The following PRKN variants were observed in gnomAD, a reference collection of about 807,000 sequenced individuals.
PRKN encodes E3 ubiquitin-protein ligase parkin.
A neutral mutation model predicts 59.5 loss-of-function variants in PRKN; 56 were observed. That is an observed-to-expected ratio of 0.94 (90% CI 0.76 to 1.18). PRKN has a LOEUF of 1.18. Ranked by LOEUF, PRKN falls within the 50% of genes most tolerant of loss-of-function variation. The probability of loss-of-function intolerance (pLI) is 0.00; values close to 1 mark genes in which losing one functional copy is unlikely to be tolerated. For missense variants in PRKN, 657 were observed against 596.4 expected (o/e 1.10, Z -1.06); for synonymous variants, 250 against 222.1 (o/e 1.13, Z -1.12).
At position 161,829,729 on chromosome 6, in the gene PRKN, C is replaced by T. The variant is rs138517500; in HGVS notation, c.735-43821G>A. ...GAGCAAAGAAAGCAAAGGGAAGCTG[C>T]AGCCCAGCTCCTCCACTCCCAGAGC... is the stretch of plus-strand genomic sequence containing the variant. On this transcript the variant is annotated intron_variant, in intron 6 of 11. Transcript: ENST00000366898. 8.5e-5 allele frequency among the ~76,000 whole-genome samples: 13 copies of T among 152,102 alleles called. No individual in the cohort carries two copies. The East Asian group carries it at 2.5e-3, about 30-fold the overall frequency.
intron 1 of PRKN, among the ~76,000 whole-genome samples, chr6:162,486,839 G>A (rs1259642152): frequency 6.6e-6 from 1 of 152,132 alleles, no homozygotes. Context: ...GGAGGCCGAG[G>A]TGGGTGGATC....
chr6:161,821,407 A>T (rs1201869683), intron 6 of PRKN, among the ~76,000 whole-genome samples: 1 of 151,896 alleles, frequency 6.6e-6, no homozygotes, highest in African/African-American at 2.4e-5. Context: ...CTATGGCTAT[A>T]TAAAAATGTG....
chr6:162,563,975 T>A (rs2128206848), intron 1 of PRKN, among the ~76,000 whole-genome samples: 1 of 117,766 alleles, frequency 8.5e-6, no homozygotes, highest in East Asian at 2.3e-4. Context: ...ATACAGAGTC[T>A]GAGGAGACAA....
intron 6 of PRKN, among the ~76,000 whole-genome samples, chr6:161,799,717 A>G (rs1248125798): frequency 2.0e-5 from 3 of 152,246 alleles, no homozygotes; most frequent in African/African-American, 7.2e-5. Flanking sequence ...AGCAATGAAA[A>G]GTGACAGCAA....
intron 1 of PRKN, among the ~76,000 whole-genome samples, chr6:162,617,964 T>G (rs1782501626): frequency 6.6e-6 from 1 of 152,172 alleles, no homozygotes; most frequent in Non-Finnish European, 1.5e-5. Flanking sequence ...CAGTATTTAT[T>G]CTTCCCTAGG....
chr6:162,376,078 G>T (rs1216110073), intron 2 of PRKN, among the ~76,000 whole-genome samples: 4 of 152,070 alleles, frequency 2.6e-5, no homozygotes, highest in Admixed American at 2.6e-4. Flanking sequence ...ATACTTAGCA[G>T]ATATCATAGT....
intron 9 of PRKN, among the ~76,000 whole-genome samples, chr6:161,491,223 G>A (rs971295259): frequency 2.0e-5 from 3 of 152,138 alleles, no homozygotes; most frequent in Non-Finnish European, 2.9e-5. Flanking sequence ...AGAAAACTTC[G>A]TATGGACAGT....
intron 3 of PRKN, among the ~76,000 whole-genome samples, chr6:162,217,997 T>G (rs907312995): frequency 6.6e-6 from 1 of 152,170 alleles, no homozygotes; most frequent in African/African-American, 2.4e-5. Context: ...AGGGTGCGAT[T>G]GAGAGGTAGA....
chr6:161,843,933 G>A (rs756364501), intron 6 of PRKN, among the ~76,000 whole-genome samples: 4 of 152,144 alleles, frequency 2.6e-5, no homozygotes, highest in Non-Finnish European at 4.4e-5. Flanking sequence ...TCTGGAGATG[G>A]TAACCTGCGT....
At chr6:161,787,774 G>A (rs1053043947) in intron 6 of PRKN, among the ~76,000 whole-genome samples, 7 of 151,724 alleles carry the variant, frequency 4.6e-5, no homozygotes, top group Non-Finnish European at 7.4e-5. Context: ...GCGAAAGCCC[G>A]TCTCTACCAA....
intron 9 of PRKN, among the ~76,000 whole-genome samples, chr6:161,489,845 G>A (rs1336118261): frequency 6.6e-6 from 1 of 152,144 alleles, no homozygotes; most frequent in Non-Finnish European, 1.5e-5. Context: ...CTTTCCTCCA[G>A]GCTCTGCAGG....
At chr6:162,446,603 A>T (rs565303612) in intron 1 of PRKN, among the ~76,000 whole-genome samples, 1 of 152,220 alleles carries the variant, frequency 6.6e-6, no homozygotes, top group Non-Finnish European at 1.5e-5. Flanking sequence ...TTAACAGTAA[A>T]TCTAACATAC....
intron 6 of PRKN, among the ~76,000 whole-genome samples, chr6:161,823,295 C>A (rs1421395146): frequency 6.6e-6 from 1 of 151,996 alleles, no homozygotes; most frequent in African/African-American, 2.4e-5. Context: ...AGAATTTCTT[C>A]TGTCGGCAGC....
intron 3 of PRKN, among the ~76,000 whole-genome samples, chr6:162,239,592 G>GT (rs1778900542): frequency 6.6e-6 from 1 of 152,022 alleles, no homozygotes; most frequent in African/African-American, 2.4e-5. Flanking sequence ...TCAACTGCAT[G>GT]TCAGGAGAAC....
chr6:161,847,963 G>A (rs140155926), intron 6 of PRKN, among the ~76,000 whole-genome samples: 41 of 152,282 alleles, frequency 2.7e-4, no homozygotes, highest in Middle Eastern at 3.4e-3. Context: ...AGGAATATGA[G>A]GTAGTGGAGC....
intron 7 of PRKN, among the ~76,000 whole-genome samples, chr6:161,719,153 G>A (rs552771881): frequency 1.1e-4 from 16 of 151,914 alleles, no homozygotes; most frequent in South Asian, 8.3e-4. Flanking sequence ...CGAAGGGTAC[G>A]GATTGCCAAC....
At chr6:162,104,705 T>C (rs1344479973) in intron 4 of PRKN, among the ~76,000 whole-genome samples, 2 of 152,166 alleles carry the variant, frequency 1.3e-5, no homozygotes, top group African/African-American at 2.4e-5. Context: ...CAATTGTTGC[T>C]GGTCCACGTT....
chr6:162,366,604 T>C (rs1785450505), intron 2 of PRKN, among the ~76,000 whole-genome samples: 1 of 152,098 alleles, frequency 6.6e-6, no homozygotes, highest in Non-Finnish European at 1.5e-5. Flanking sequence ...AAAGTGGTGT[T>C]TATAAAAATG....
intron 7 of PRKN, among the ~76,000 whole-genome samples, chr6:161,717,214 C>G (rs569976158): frequency 2.6e-4 from 39 of 152,260 alleles, no homozygotes; most frequent in Non-Finnish European, 5.4e-4. Flanking sequence ...AGTCCAACAT[C>G]GAGAGGAGGC....
Sources: gnomAD v4.1 joint callset for allele counts (sites outside exome capture counted in the v4.1 genomes callset) on GRCh38, gnomAD v4.1.1 for gene constraint, MANE v1.5 for transcripts, NCBI Gene and HGNC (gene_info 2026-07-23, HGNC 2026-07-21) for gene names.